PLEKHG5: variants seen among roughly 807,000 people sequenced by gnomAD.
PLEKHG5 encodes the protein pleckstrin homology domain-containing family G member 5.
In PLEKHG5, 52 loss-of-function variants were observed where a neutral mutation model predicts 103.8. That is an observed-to-expected ratio of 0.50 (90% confidence interval 0.40 to 0.63). The LOEUF (loss-of-function observed/expected upper bound fraction) is 0.63. PLEKHG5 is among the 30% of genes least tolerant of loss of function. The pLI, the probability that PLEKHG5 is intolerant of heterozygous loss-of-function variation, is 0.00. For synonymous variants in PLEKHG5, 592 were observed against 575.5 expected (o/e 1.03, Z -0.41); for missense variants, 1,205 against 1,347.6 (o/e 0.89, Z 1.66).
rs1395091717 is a variant in PLEKHG5, at chr1:6,516,718, C to CAT, written c.-165+2725_-165+2726dup. Among the ~76,000 whole-genome samples, 36 of 146,896 alleles carry CAT rather than the reference C, an allele frequency of 2.5e-4. 2 individuals carry two copies. The highest frequency in any genetic ancestry group is 7.1e-3 in the Middle Eastern group (2 of 282). On this transcript the variant is annotated intron_variant, in intron 1 of 21. Coordinates refer to the PLEKHG5 transcript ENST00000377740. ...TGTATTGGCAAGTTTTTTGTACTGG[C>CAT]ATATATATATATGTGTGTATATATA...
rs1209715722 is a variant in PLEKHG5 at position 6,505,868 on chromosome 1, A to G, written c.-164-9299T>C. ...TCCTCATTTCCGGGTCCTCTCCTGC[A>G]CCAGCGGCAGCTCTCAGGAGTGGCT... On this transcript the variant is annotated intron_variant, in intron 1 of 21. Coordinates refer to the PLEKHG5 transcript ENST00000377740. The surrounding 1 kb of genome is among the most constrained non-coding windows in gnomAD (Gnocchi z 4.2). 6.6e-6 allele frequency among the ~76,000 whole-genome samples: 1 copy of G among 152,172 alleles called. No individual in the cohort carries two copies. The highest frequency in any genetic ancestry group is 2.4e-5 in the African/African-American group (1 of 41,444).
chr1:6,502,329 C>T (rs1240594760), intron 1 of PLEKHG5, among the ~76,000 whole-genome samples: 3 of 152,264 alleles, frequency 2.0e-5, no homozygotes, highest in African/African-American at 7.2e-5. Flanking sequence ...GAAGTAGGGA[C>T]CCAGCTGCAG....
At chr1:6,514,720 C>T (rs1198364701) in intron 1 of PLEKHG5, among the ~76,000 whole-genome samples, 6 of 151,618 alleles carry the variant, frequency 4.0e-5, no homozygotes, top group African/African-American at 2.4e-5. Flanking sequence ...GAGATCATGC[C>T]ACTGCACTCC....
chr1:6,475,518 G>T lies in PLEKHG5; in HGVS notation c.154C>A (p.Arg52=). Residue 52 remains arginine (R), a synonymous_variant, in exon 4 of 21, where the codon CGG becomes AGG. Transcript: ENST00000377728. ...EESSVDGKGD[R]KSTGLKLSKK... is the part of the protein sequence containing the mutation. ...GAGAGTTTCAGGCCTGTGCTCTTCC[G>T]GTCCCTGCAGGGAAGCGAGGAGGGC... The T allele has an allele frequency of 6.2e-7, 1 of 1,613,140 alleles. No homozygotes were observed. The highest frequency in any genetic ancestry group is 1.3e-5 in the African/African-American group (1 of 74,968).
At chr1:6,497,771 C>A (rs942591437), upstream of PLEKHG5, among the ~76,000 whole-genome samples, 3 of 152,166 alleles carry the variant, frequency 2.0e-5, no homozygotes, top group African/African-American at 4.8e-5. The surrounding 1 kb of genome is among the most constrained non-coding windows in gnomAD (Gnocchi z 6.1). Context: ...GGCTGCCCCG[C>A]GCAGGGTGAG....
chr1:6,473,949 G>A (rs1644674933), intron 7 of PLEKHG5, 64 bp downstream of exon 7: 2 of 1,471,106 alleles, frequency 1.4e-6, no homozygotes, highest in Non-Finnish European at 1.9e-6. Flanking sequence ...CCTCTGAGGA[G>A]GGGCTGTGGG....
At chr1:6,506,508 C>G (rs1638327082) in intron 1 of PLEKHG5, among the ~76,000 whole-genome samples, 1 of 152,238 alleles carries the variant, frequency 6.6e-6, no homozygotes, top group Non-Finnish European at 1.5e-5. Flanking sequence ...TTCGTGGTCT[C>G]TTTGCTAAGA....
At chr1:6,497,330 G>T, upstream of PLEKHG5, 1 of 988,670 alleles carries the variant, frequency 1.0e-6, no homozygotes, top group Non-Finnish European at 1.3e-6. The surrounding 1 kb of genome is among the most constrained non-coding windows in gnomAD (Gnocchi z 6.1). Context: ...CCATGGAGCA[G>T]GCCCCGTGCC....
chr1:6,509,122 C>T (rs916294165), intron 1 of PLEKHG5, among the ~76,000 whole-genome samples: 9 of 152,248 alleles, frequency 5.9e-5, no homozygotes, highest in Non-Finnish European at 8.8e-5. Context: ...GGAAGCCTCA[C>T]GGCCTCTGGA....
intron 1 of PLEKHG5, chr1:6,485,768 A>C: frequency 2.3e-5 from 12 of 513,804 alleles, no homozygotes; most frequent in South Asian, 9.0e-5. Context: ...GGACCCCCAC[A>C]GCCCCGCCTC....
At chr1:6,494,362 C>T (rs1476410524), upstream of PLEKHG5, among the ~76,000 whole-genome samples, 1 of 151,912 alleles carries the variant, frequency 6.6e-6, no homozygotes, top group African/African-American at 2.4e-5. Flanking sequence ...AACTCCTGAG[C>T]TCAGGCAATC....
At chr1:6,515,675 T>TA (rs367899680) in intron 1 of PLEKHG5, among the ~76,000 whole-genome samples, 159 of 143,882 alleles carry the variant, frequency 1.1e-3, no homozygotes, top group African/African-American at 2.5e-3. Flanking sequence ...AAAATTAAAT[T>TA]AAAAAAAAAA....
chr1:6,479,716 T>TC (rs1416704223), intron 1 of PLEKHG5, among the ~76,000 whole-genome samples: 5 of 152,076 alleles, frequency 3.3e-5, no homozygotes, highest in African/African-American at 1.2e-4. Flanking sequence ...ACTCAAGTAA[T>TC]CCTCCTGCCT....
upstream of PLEKHG5, among the ~76,000 whole-genome samples, chr1:6,501,190 G>A (rs943187123): frequency 6.6e-6 from 1 of 152,026 alleles, no homozygotes; most frequent in Non-Finnish European, 1.5e-5. This position sits in a 1 kb window ranked among gnomAD's most constrained non-coding sequence, Gnocchi z 4.3. Flanking sequence ...AATGCTTCCA[G>A]CCCCCACAGT....
upstream of PLEKHG5, among the ~76,000 whole-genome samples, chr1:6,495,329 C>T (rs59749954): frequency 0.059 from 8,973 of 152,300 alleles, 263 homozygotes; most frequent in Middle Eastern, 0.071. Context: ...GCCCCCTCCC[C>T]GCCCCGCCCC....
chr1:6,470,025 G>A (rs1466844760), intron 16 of PLEKHG5, among the ~76,000 whole-genome samples: 1 of 152,222 alleles, frequency 6.6e-6, no homozygotes, highest in Non-Finnish European at 1.5e-5. Flanking sequence ...AACCCATGTG[G>A]CACCAACAAA....
intron 1 of PLEKHG5, among the ~76,000 whole-genome samples, chr1:6,478,462 C>T (rs572601123): frequency 6.6e-6 from 1 of 152,282 alleles, no homozygotes; most frequent in Admixed American, 6.5e-5. Flanking sequence ...AGCTGCCACG[C>T]CCAGCCTTAT....
intron 1 of PLEKHG5, chr1:6,485,611 C>G (rs995834274): frequency 1.6e-6 from 1 of 609,492 alleles, no homozygotes; most frequent in Non-Finnish European, 2.3e-6. Flanking sequence ...TCCCTCCCGC[C>G]CGGGCCCTCG....
At chr1:6,492,198 G>A (rs565072687), upstream of PLEKHG5, among the ~76,000 whole-genome samples, 5 of 152,308 alleles carry the variant, frequency 3.3e-5, no homozygotes, top group South Asian at 1.0e-3. Context: ...CATACAGTAC[G>A]TGCTGGATCA....
Sources: allele counts gnomAD v4.1 joint callset (sites outside exome capture counted in the v4.1 genomes callset), GRCh38; gene constraint gnomAD v4.1.1; non-coding constraint Gnocchi (gnomAD v3.1); transcripts MANE v1.5; gene names NCBI Gene and HGNC (gene_info 2026-07-23, HGNC 2026-07-21).